The following ACSS2 variants were observed in gnomAD, a reference collection of about 807,000 sequenced individuals.
The protein encoded by ACSS2 is acetyl-coenzyme A synthetase, cytoplasmic.
Under a neutral mutation model 90.6 loss-of-function variants are expected in ACSS2, and 58 were observed. The observed-to-expected ratio is 0.64, with a 90% CI of 0.52 to 0.80. The LOEUF is 0.80. Ranked by LOEUF, ACSS2 falls within the 30% of genes least tolerant of loss-of-function variation. The pLI, the probability that ACSS2 is intolerant of heterozygous loss-of-function variation, is 0.00. For missense variants in ACSS2, 759 were observed against 912.0 expected (o/e 0.83, Z 2.16); for synonymous variants, 300 against 330.9 (o/e 0.91, Z 1.01).
intron 1 of ACSS2, among the ~76,000 whole-genome samples, chr20:34,878,053 C>A (rs2146954713): frequency 6.6e-6 from 1 of 152,280 alleles, no homozygotes; most frequent in South Asian, 2.1e-4. Context: ...TCCGCTTCAG[C>A]CTCCTGGGTA....
In ACSS2 at chr20:34,913,510, C is replaced by T. The variant is rs747791912; in HGVS notation, c.570+14C>T. The T allele has an allele frequency of 6.2e-7, 1 of 1,604,434 alleles. No homozygotes were observed. The highest frequency in any genetic ancestry group is 1.1e-5 in the South Asian group (1 of 90,624). ...CACTCCATTGTGGTAGGAGTTTGGG[C>T]TGGTGAAAAGGGGCAGGCGGGGGGG... is the stretch of plus-strand genomic sequence containing the variant. On this transcript the variant is annotated intron_variant, in intron 4 of 17. Coordinates refer to ENST00000360596, the MANE Select transcript of ACSS2 (RefSeq NM_018677.4).
chr20:34,909,437 G>A (rs551748468), intron 2 of ACSS2, among the ~76,000 whole-genome samples: 4 of 152,204 alleles, frequency 2.6e-5, no homozygotes, highest in Admixed American at 2.6e-4. Flanking sequence ...TGATATCAAG[G>A]TATATTGTTA....
chr20:34,890,341 T>A (rs1465853410), intron 2 of ACSS2, among the ~76,000 whole-genome samples: 1 of 152,146 alleles, frequency 6.6e-6, no homozygotes. Context: ...CCCCCTGGTG[T>A]GGCAGATAAA....
chr20:34,887,459 G>A lies in ACSS2; in HGVS notation c.374+4470G>A, dbSNP rs116052895. On this transcript the variant is annotated intron_variant, in intron 2 of 17. Coordinates refer to ENST00000360596, the MANE Select transcript of ACSS2 (RefSeq NM_018677.4). ...CTATTTGGAAAGACCAAATAGATTGGCCGGGCACAATGGCTCATGCCTGTA... is the reference window on the plus strand; with the variant it reads ...CTATTTGGAAAGACCAAATAGATTGACCGGGCACAATGGCTCATGCCTGTA... Among the ~76,000 whole-genome samples, 1,125 of 152,332 alleles carry A rather than the reference G, an allele frequency of 7.4e-3. 17 individuals carry two copies. Among genetic ancestry groups the A allele is most frequent in the African/African-American group, 0.026 (1,084 of 41,566 alleles).
chr20:34,899,765 G>T (rs1348197620), intron 2 of ACSS2, among the ~76,000 whole-genome samples: 1 of 152,054 alleles, frequency 6.6e-6, no homozygotes, highest in Non-Finnish European at 1.5e-5. Flanking sequence ...GGGATTACAG[G>T]CATGAGTCAC....
At chr20:34,922,927 T>C (rs1039731609) in intron 13 of ACSS2, 1 of 166,298 alleles carries the variant, frequency 6.0e-6, no homozygotes, top group Non-Finnish European at 1.3e-5. Flanking sequence ...GGCACCACTG[T>C]TTTTTAAATG....
In ACSS2 at chr20:34,921,339, GGCATCCTT is replaced by G; in HGVS notation, c.1291_1298del (p.Ser431GlyfsTer7). ...CATTCCCCTGCCCCAGGCATAGCCGGGCATCCTTGCAGGTGTTAGGCACAGTGGGTGAA... is the reference window on the plus strand; with the variant it reads ...CATTCCCCTGCCCCAGGCATAGCCGGGCAGGTGTTAGGCACAGTGGGTGAA... On this transcript the variant is annotated frameshift_variant, in exon 11 of 18. Transcript: ENST00000360596. LOFTEE classifies it high-confidence loss of function. 3.7e-6 allele frequency: 6 copies of G among 1,614,158 alleles called. No homozygotes were observed. Among genetic ancestry groups the G allele is most frequent in the Non-Finnish European group, 5.1e-6 (6 of 1,180,018 alleles).
chr20:34,875,124 T>C (rs2146944860), upstream of ACSS2: 1 of 534,736 alleles, frequency 1.9e-6, no homozygotes, highest in Non-Finnish European at 3.8e-6. Flanking sequence ...GGCACTTCTT[T>C]GTGGTGAGTG....
intron 1 of ACSS2, among the ~76,000 whole-genome samples, chr20:34,879,213 C>T (rs1169012760): frequency 1.3e-5 from 2 of 151,930 alleles, no homozygotes; most frequent in Non-Finnish European, 2.9e-5. Flanking sequence ...CTCTGCTTTT[C>T]TTTTAAGACC....
At chr20:34,911,186 A>ATTTTTT (rs113927168) in intron 2 of ACSS2, among the ~76,000 whole-genome samples, 1 of 130,650 alleles carries the variant, frequency 7.7e-6, no homozygotes, top group South Asian at 2.4e-4. Context: ...CTCAGCTAAA[A>ATTTTTT]TTTTTTTTTT....
chr20:34,919,270 G>A (rs1270244843), intron 7 of ACSS2, among the ~76,000 whole-genome samples, 165 bp from the exon 8 acceptor site: 1 of 152,070 alleles, frequency 6.6e-6, no homozygotes, highest in Admixed American at 6.6e-5. Flanking sequence ...AGTAAGCTTG[G>A]GTTCTGCTCC....
chr20:34,914,755 A>G (rs1568992260), intron 7 of ACSS2, among the ~76,000 whole-genome samples: 1 of 152,170 alleles, frequency 6.6e-6, no homozygotes, highest in Non-Finnish European at 1.5e-5. Flanking sequence ...TTGAGTGACA[A>G]TATATAGTCA....
At chr20:34,880,839 A>G (rs960499010) in intron 1 of ACSS2, among the ~76,000 whole-genome samples, 13 of 152,142 alleles carry the variant, frequency 8.5e-5, no homozygotes, top group Non-Finnish European at 1.8e-4. Flanking sequence ...GTACATTAAA[A>G]AATATTTCAT....
At chr20:34,893,089 G>A (rs2080374164) in intron 2 of ACSS2, among the ~76,000 whole-genome samples, 2 of 152,092 alleles carry the variant, frequency 1.3e-5, no homozygotes, top group Non-Finnish European at 2.9e-5. Context: ...GATTATATTA[G>A]CCTCATTGAC....
At chr20:34,894,188 A>G (rs2080406825) in intron 2 of ACSS2, among the ~76,000 whole-genome samples, 1 of 152,120 alleles carries the variant, frequency 6.6e-6, no homozygotes, top group African/African-American at 2.4e-5. Flanking sequence ...AAACTGCCAC[A>G]TATAGTGAGT....
intron 2 of ACSS2, among the ~76,000 whole-genome samples, chr20:34,899,422 C>CTT (rs772353196): frequency 6.7e-5 from 8 of 118,856 alleles, no homozygotes; most frequent in African/African-American, 2.3e-4. Context: ...TTCTTTCTTT[C>CTT]TTTCCTTCCT....
intron 2 of ACSS2, among the ~76,000 whole-genome samples, chr20:34,906,054 G>A (rs910846286): frequency 2.6e-5 from 4 of 152,212 alleles, no homozygotes; most frequent in Admixed American, 2.6e-4. Flanking sequence ...CTGATATCCT[G>A]GCCGGGCGCG....
At chr20:34,916,807 C>G (rs1384971819) in intron 7 of ACSS2, among the ~76,000 whole-genome samples, 1 of 152,160 alleles carries the variant, frequency 6.6e-6, no homozygotes, top group Non-Finnish European at 1.5e-5. Context: ...TGCAGGGACC[C>G]TCCTCAACCA....
At chr20:34,899,746 C>G (rs994211562) in intron 2 of ACSS2, among the ~76,000 whole-genome samples, 17 of 152,076 alleles carry the variant, frequency 1.1e-4, no homozygotes, top group Non-Finnish European at 1.9e-4. Context: ...CCCAGCCTCC[C>G]AAAGTGCTGG....
Sources: allele counts gnomAD v4.1 joint callset (sites outside exome capture counted in the v4.1 genomes callset), GRCh38; gene constraint gnomAD v4.1.1; transcripts MANE v1.5; gene names NCBI Gene and HGNC (gene_info 2026-07-23, HGNC 2026-07-21).